The following TCF4 variants were observed in gnomAD, a reference collection of about 807,000 sequenced individuals.
The protein encoded by TCF4 is SL3-3 enhancer factor 2.
TCF4 carries 3 observed loss-of-function variants against 82.1 expected under a neutral mutation model. That is an observed-to-expected ratio of 0.04 (90% confidence interval 0.02 to 0.09). The LOEUF (loss-of-function observed/expected upper bound fraction) is 0.09, where lower values mean the gene tolerates loss of function less well. Ranked by LOEUF, TCF4 falls within the 10% of genes least tolerant of loss-of-function variation. The probability of loss-of-function intolerance (pLI) is 1.00; values close to 1 mark genes in which losing one functional copy is unlikely to be tolerated. For synonymous variants in TCF4, 276 were observed against 309.6 expected, an observed-to-expected ratio of 0.89 and a Z score of 1.14; for missense variants, 518 against 852.7, an observed-to-expected ratio of 0.61 and a Z score of 4.89.
intron 3 of TCF4, among the ~76,000 whole-genome samples, chr18:55,532,141 G>A (rs540738798): frequency 1.9e-4 from 29 of 152,240 alleles, no homozygotes; most frequent in Non-Finnish European, 3.7e-4. Context: ...GCCACATAAG[G>A]TCCATATATC....
chr18:55,335,433 C>A (rs1244862127), intron 8 of TCF4, among the ~76,000 whole-genome samples: 1 of 152,120 alleles, frequency 6.6e-6, no homozygotes, highest in East Asian at 1.9e-4. Context: ...ATTATTTCTC[C>A]TATGAAAGAA....
At chr18:55,512,594 GA>G (rs1039686845) in intron 3 of TCF4, among the ~76,000 whole-genome samples, 2 of 152,022 alleles carry the variant, frequency 1.3e-5, no homozygotes, top group African/African-American at 4.8e-5. Context: ...TCTATAGACA[GA>G]TATTTAATTA....
intron 5 of TCF4, among the ~76,000 whole-genome samples, chr18:55,413,200 G>A (rs1243223868): frequency 6.6e-6 from 1 of 152,090 alleles, no homozygotes; most frequent in Non-Finnish European, 1.5e-5. Flanking sequence ...ATATATAAGT[G>A]ACATTTTTAA....
At chr18:55,460,965 T>C (rs993720711) in intron 5 of TCF4, 54 bp downstream of exon 5, 35 of 1,478,182 alleles carry the variant, frequency 2.4e-5, no homozygotes, top group African/African-American at 4.2e-5. Flanking sequence ...TTTTACCTTC[T>C]ATAGTAAAAC....
At chr18:55,554,455 G>A (rs1474599262) in intron 3 of TCF4, among the ~76,000 whole-genome samples, 1 of 152,058 alleles carries the variant, frequency 6.6e-6, no homozygotes, top group African/African-American at 2.4e-5. Flanking sequence ...GTGAATGGAA[G>A]TAGTGGTTTA....
intron 3 of TCF4, among the ~76,000 whole-genome samples, chr18:55,465,539 G>T (rs2095996335): frequency 6.6e-6 from 1 of 151,736 alleles, no homozygotes; most frequent in African/African-American, 2.4e-5. Context: ...GAGCTTCAAG[G>T]CATGTCAAGA....
At chr18:55,399,740 C>A (rs2093688124) in intron 6 of TCF4, among the ~76,000 whole-genome samples, 1 of 151,992 alleles carries the variant, frequency 6.6e-6, no homozygotes, top group Non-Finnish European at 1.5e-5. Context: ...AACCTAGCTG[C>A]ACATTAGAAT....
intron 10 of TCF4, among the ~76,000 whole-genome samples, chr18:55,273,897 C>T (rs1028197052): frequency 5.3e-5 from 8 of 152,098 alleles, no homozygotes; most frequent in African/African-American, 1.9e-4. Flanking sequence ...TTTAAAGCTA[C>T]TTCCCATGCA....
At chr18:55,536,794 G>A (rs1032447610) in intron 3 of TCF4, among the ~76,000 whole-genome samples, 1 of 152,186 alleles carries the variant, frequency 6.6e-6, no homozygotes, top group African/African-American at 2.4e-5. Flanking sequence ...AATTTTGTAT[G>A]TATGTATATT....
intron 4 of TCF4, among the ~76,000 whole-genome samples, chr18:55,463,305 T>A (rs1486276034): frequency 6.6e-6 from 1 of 152,152 alleles, no homozygotes; most frequent in Non-Finnish European, 1.5e-5. Context: ...TACTTCCTCA[T>A]TTTGCAAAAT....
intron 3 of TCF4, among the ~76,000 whole-genome samples, chr18:55,522,404 C>G (rs1460945974): frequency 1.3e-5 from 2 of 152,062 alleles, no homozygotes; most frequent in African/African-American, 4.8e-5. Context: ...GGAAATTATA[C>G]TTTGAAAAAC....
chr18:55,302,331 C>A (rs2068582647), intron 8 of TCF4: 3 of 1,246,724 alleles, frequency 2.4e-6, no homozygotes, highest in Admixed American at 4.1e-5. Flanking sequence ...GGGTAACATA[C>A]AAGTCAAAGC....
intron 3 of TCF4, among the ~76,000 whole-genome samples, chr18:55,526,159 A>G (rs2096981555): frequency 6.6e-6 from 1 of 152,180 alleles, no homozygotes; most frequent in South Asian, 2.1e-4. Flanking sequence ...TTACAGAACC[A>G]CAAAGGGGAG....
chr18:55,511,519 T>C (rs910328558), intron 3 of TCF4, among the ~76,000 whole-genome samples: 2 of 152,084 alleles, frequency 1.3e-5, no homozygotes, highest in Non-Finnish European at 2.9e-5. Flanking sequence ...TTTTACTGGA[T>C]ATACAAATTG....
At chr18:55,401,650 A>G in intron 6 of TCF4, 1 of 989,378 alleles carries the variant, frequency 1.0e-6, no homozygotes, top group Non-Finnish European at 1.2e-6. Context: ...AAACGGAGAA[A>G]GGAGGGTCTG....
intron 3 of TCF4, among the ~76,000 whole-genome samples, chr18:55,531,256 C>T (rs1205160021): frequency 2.0e-5 from 3 of 151,870 alleles, no homozygotes; most frequent in Non-Finnish European, 2.9e-5. Flanking sequence ...ACCAGGCCTA[C>T]CAGAGCATTT....
chr18:55,620,850 C>G (rs1455119821), intron 2 of TCF4, among the ~76,000 whole-genome samples: 1 of 149,394 alleles, frequency 6.7e-6, no homozygotes, highest in East Asian at 2.0e-4. Flanking sequence ...CCAGTCCATA[C>G]TCTTCATCTT....
At chr18:55,270,678 G>C (rs1010709675) in intron 10 of TCF4, among the ~76,000 whole-genome samples, 1 of 152,086 alleles carries the variant, frequency 6.6e-6, no homozygotes, top group African/African-American at 2.4e-5. Flanking sequence ...GAATCACTTG[G>C]TTTAAGACTC....
intron 8 of TCF4, chr18:55,321,524 G>C (rs1033077082): frequency 1.3e-4 from 162 of 1,203,936 alleles, no homozygotes; most frequent in Admixed American, 6.0e-5. Context: ...AAGATCTTAG[G>C]ATTGGCAAAT....
Sources: gnomAD v4.1 joint callset for allele counts (sites outside exome capture counted in the v4.1 genomes callset) on GRCh38, gnomAD v4.1.1 for gene constraint, MANE v1.5 for transcripts, NCBI Gene and HGNC (gene_info 2026-07-23, HGNC 2026-07-21) for gene names.